The following POC1A variants were observed in gnomAD, a reference collection of about 807,000 sequenced individuals.
POC1A encodes POC1 centriolar protein homolog A.
POC1A carries 34 observed loss-of-function variants against 47.8 expected under a neutral mutation model. That is an observed-to-expected ratio of 0.71 (90% CI 0.54 to 0.95). The LOEUF (loss-of-function observed/expected upper bound fraction) is 0.95. Among genes scored for constraint, POC1A ranks in the 40% least tolerant of loss-of-function variants. The pLI, the probability that POC1A is intolerant of heterozygous loss-of-function variation, is 0.00. For synonymous variants in POC1A, 177 were observed against 207.6 expected, an observed-to-expected ratio of 0.85 and a Z score of 1.27; for missense variants, 466 against 528.3, an observed-to-expected ratio of 0.88 and a Z score of 1.16.
At position 52,122,382 on chromosome 3, in the gene POC1A, A is replaced by G. The variant is rs1359127724; in HGVS notation, c.978T>C (p.Asn326=). 1.5e-5 allele frequency: 24 copies of G among 1,591,152 alleles called. No homozygotes were observed. The highest frequency in any genetic ancestry group is 2.0e-5 in the Non-Finnish European group (23 of 1,159,108). ...PPATLASSMG[N]LPEVDFPVPP... The stretch of plus-strand genomic sequence containing the variant: ...ACATGCCTGCCAAGCCACTTACCAG[A>G]TTCCCCATGGAGCTGGCCAGTGTGG... The change falls in exon 9 of 11, where the codon AAT becomes AAC. Residue 326 remains asparagine, a synonymous_variant. Coordinates refer to ENST00000296484, the MANE Select transcript of POC1A (RefSeq NM_015426.5).
intron 10 of POC1A, among the ~76,000 whole-genome samples, chr3:52,076,755 C>T (rs914015410): frequency 6.6e-6 from 1 of 152,274 alleles, no homozygotes; most frequent in Non-Finnish European, 1.5e-5. Context: ...TCAGGCAGAT[C>T]ATGCTGCCTT....
At chr3:52,076,041 G>A (rs1702104440) in intron 10 of POC1A, 56 bp from the exon 11 acceptor site, 1 of 1,407,656 alleles carries the variant, frequency 7.1e-7, no homozygotes, top group African/African-American at 1.4e-5. Context: ...GGCTGCTCTA[G>A]GGACCCCCTT....
intron 2 of POC1A, among the ~76,000 whole-genome samples, chr3:52,150,643 T>G (rs530044047): frequency 2.8e-4 from 42 of 152,140 alleles, no homozygotes; most frequent in African/African-American, 7.7e-4. Context: ...TTCAACAAGG[T>G]GTGCCTTATT....
chr3:52,134,213 A>C (rs1704347379), intron 7 of POC1A, among the ~76,000 whole-genome samples: 2 of 152,232 alleles, frequency 1.3e-5, no homozygotes. Flanking sequence ...AAGGGGAGCC[A>C]GGGAATGAAG....
intron 7 of POC1A, among the ~76,000 whole-genome samples, chr3:52,134,596 C>T (rs1227500946): frequency 6.6e-6 from 1 of 152,288 alleles, no homozygotes; most frequent in Non-Finnish European, 1.5e-5. Flanking sequence ...CGCACCACTG[C>T]ACTCCAGCCT....
chr3:52,111,155 C>G (rs1006096507), intron 9 of POC1A, among the ~76,000 whole-genome samples: 6 of 152,208 alleles, frequency 3.9e-5, no homozygotes, highest in African/African-American at 1.4e-4. Flanking sequence ...TCCTCAACAT[C>G]ATGAACTCTC....
At chr3:52,101,296 A>G (rs1288032588) in intron 9 of POC1A, among the ~76,000 whole-genome samples, 1 of 152,078 alleles carries the variant, frequency 6.6e-6, no homozygotes, top group Non-Finnish European at 1.5e-5. Flanking sequence ...ACACTAAACT[A>G]AGCTCAACTC....
intron 10 of POC1A, among the ~76,000 whole-genome samples, chr3:52,094,867 GGGCCAAAGGCCACAGGCCACA>G (rs955758016): frequency 1.3e-5 from 2 of 152,194 alleles, no homozygotes; most frequent in Non-Finnish European, 1.5e-5. Flanking sequence ...ACCCAGCCAT[GGGCCAAAGGCCACAGGCCACA>G]GGCCAGCCTT....
At chr3:52,100,742 T>C (rs1440307765) in intron 9 of POC1A, among the ~76,000 whole-genome samples, 1 of 151,884 alleles carries the variant, frequency 6.6e-6, no homozygotes, top group Non-Finnish European at 1.5e-5. Flanking sequence ...AGACCTCCAC[T>C]GGGCTTTCAT....
At chr3:52,082,305 G>A (rs780161285) in intron 10 of POC1A, among the ~76,000 whole-genome samples, 15 of 152,176 alleles carry the variant, frequency 9.9e-5, no homozygotes, top group Admixed American at 2.0e-4. Context: ...TGGGCTGAAC[G>A]TCCTGGAAAG....
chr3:52,133,196 T>C (rs1704300662), intron 7 of POC1A, among the ~76,000 whole-genome samples: 1 of 152,166 alleles, frequency 6.6e-6, no homozygotes, highest in Non-Finnish European at 1.5e-5. Context: ...AGTTTGGTCC[T>C]TTCCGCCCTT....
intron 7 of POC1A, among the ~76,000 whole-genome samples, chr3:52,137,021 A>G (rs1419800033): frequency 6.6e-6 from 1 of 152,176 alleles, no homozygotes; most frequent in Non-Finnish European, 1.5e-5. Flanking sequence ...AAACGGTTAC[A>G]CATGAATCTG....
At chr3:52,112,365 C>T (rs1188162136) in intron 9 of POC1A, among the ~76,000 whole-genome samples, 3 of 152,238 alleles carry the variant, frequency 2.0e-5, no homozygotes, top group African/African-American at 7.2e-5. Flanking sequence ...GTTGGCTGGG[C>T]GTGGTGGCTC....
chr3:52,147,070 C>T lies in POC1A; in HGVS notation c.481G>A (p.Val161Met), dbSNP rs1302122519. The T allele has an allele frequency of 4.3e-6, 7 of 1,614,066 alleles. No individual in the cohort carries two copies. The highest frequency in any genetic ancestry group is 2.2e-5 in the East Asian group (1 of 44,884). ...AKFSPDGRLI[V>M]SASDDKTVKL... The stretch of plus-strand genomic sequence containing the variant: ...ACAGTCTTGTCATCACTGGCAGACA[C>T]GATGAGCCGCCCGTCGGGGGAGAAC... The change falls in exon 5 of 11, where the codon GTG (valine) becomes ATG (methionine). Residue 161 changes from valine to methionine, a missense_variant. Val to Met is a conservative substitution (Grantham distance 21, BLOSUM62 1). Coordinates refer to ENST00000296484, the MANE Select transcript of POC1A (RefSeq NM_015426.5).
chr3:52,079,540 C>T lies in POC1A; in HGVS notation c.1126-3555G>A, dbSNP rs972045919. 6.6e-6 allele frequency among the ~76,000 whole-genome samples: 1 copy of T among 152,262 alleles called. No individual in the cohort carries two copies. Among genetic ancestry groups the T allele is most frequent in the African/African-American group, 2.4e-5 (1 of 41,462 alleles). On this transcript the variant is annotated intron_variant, in intron 10 of 10. Coordinates refer to ENST00000296484, the MANE Select transcript of POC1A (RefSeq NM_015426.5). The surrounding 1 kb of genome is among the most constrained non-coding windows in gnomAD (Gnocchi z 4.6). Reference sequence around the variant, plus strand: ...GACCTTCCAAACAGTTCCTTGATCACACTGCCTCTCACCCTGTGCTCTGTA... The same window carrying T: ...GACCTTCCAAACAGTTCCTTGATCATACTGCCTCTCACCCTGTGCTCTGTA...
rs74362285 is a variant in POC1A at position 52,095,420 on chromosome 3, G to A, written c.1125+1149C>T. ...CACTTAGCCCACGATCCCAAGCTGG[G>A]GAAAGGATACCATGCCATCTCAGCT... is the stretch of plus-strand genomic sequence containing the variant. On this transcript the variant is annotated intron_variant, in intron 10 of 10. Transcript: ENST00000296484. Among the ~76,000 whole-genome samples, 15 of 152,264 alleles carry A rather than the reference G, an allele frequency of 9.9e-5. No individual in the cohort carries two copies. In the East Asian group the frequency reaches 2.7e-3, roughly 27 times the overall value.
At chr3:52,110,392 G>T (rs1703340406) in intron 9 of POC1A, among the ~76,000 whole-genome samples, 1 of 152,276 alleles carries the variant, frequency 6.6e-6, no homozygotes, top group South Asian at 2.1e-4. Context: ...AACAACACTA[G>T]GAGCAGTGAA....
chr3:52,092,561 AG>A (rs1702678944), intron 10 of POC1A, among the ~76,000 whole-genome samples: 2 of 152,110 alleles, frequency 1.3e-5, no homozygotes, highest in Admixed American at 6.5e-5. Flanking sequence ...AGGTCCACAA[AG>A]GGAAGTCCTT....
intron 9 of POC1A, among the ~76,000 whole-genome samples, chr3:52,120,098 C>T (rs547721764): frequency 1.3e-4 from 20 of 152,274 alleles, no homozygotes; most frequent in Non-Finnish European, 2.2e-4. Context: ...AGAAGAAAAC[C>T]GAACTACTGA....
Sources: allele counts gnomAD v4.1 joint callset (sites outside exome capture counted in the v4.1 genomes callset), GRCh38; gene constraint gnomAD v4.1.1; non-coding constraint Gnocchi (gnomAD v3.1); transcripts MANE v1.5; gene names NCBI Gene and HGNC (gene_info 2026-07-23, HGNC 2026-07-21).